SEMA3A: variants seen among roughly 807,000 people sequenced by gnomAD.
SEMA3A encodes semaphorin 3A, also known as semaphorin-3A.
In SEMA3A, 29 loss-of-function variants were observed where a neutral mutation model predicts 97.9. That is an observed-to-expected ratio of 0.30 (90% CI 0.22 to 0.40). The LOEUF (loss-of-function observed/expected upper bound fraction) is 0.40, where lower values mean the gene tolerates loss of function less well. Among genes scored for constraint, SEMA3A ranks in the 10% least tolerant of loss-of-function variants. The pLI is 1.00. For missense variants in SEMA3A, 763 were observed against 951.3 expected, an observed-to-expected ratio of 0.80 and a Z score of 2.60; for synonymous variants, 321 against 323.7, an observed-to-expected ratio of 0.99 and a Z score of 0.09.
chr7:84,080,258 T>G (rs10263515), intron 4 of SEMA3A, among the ~76,000 whole-genome samples: 1 of 142,308 alleles, frequency 7.0e-6, no homozygotes, highest in Non-Finnish European at 1.5e-5. Flanking sequence ...TGCTGAATGA[T>G]GAGTTAATGG....
At chr7:84,302,981 G>T (rs879075824) in intron 3 of SEMA3A, among the ~76,000 whole-genome samples, 1 of 152,162 alleles carries the variant, frequency 6.6e-6, no homozygotes, top group Non-Finnish European at 1.5e-5. Context: ...GAAAAGAACA[G>T]TTTGAGGAAA....
intron 2 of SEMA3A, among the ~76,000 whole-genome samples, chr7:84,329,244 C>T (rs1432919443): frequency 4.0e-5 from 6 of 151,866 alleles, no homozygotes; most frequent in East Asian, 1.9e-4. Context: ...AGACATTACA[C>T]GTAATTTTCT....
At chr7:84,261,872 A>T (rs1799864522) in intron 3 of SEMA3A, among the ~76,000 whole-genome samples, 1 of 152,264 alleles carries the variant, frequency 6.6e-6, no homozygotes, top group African/African-American at 2.4e-5. Context: ...CAACTGGAAA[A>T]GTGACACCAT....
chr7:84,417,153 G>C (rs1234011966), intron 1 of SEMA3A, among the ~76,000 whole-genome samples: 1 of 151,480 alleles, frequency 6.6e-6, no homozygotes, highest in Non-Finnish European at 1.5e-5. Flanking sequence ...ATGAACAAAG[G>C]GTACATTACT....
At chr7:84,237,340 T>C (rs1305481934) in intron 3 of SEMA3A, among the ~76,000 whole-genome samples, 2 of 152,104 alleles carry the variant, frequency 1.3e-5, no homozygotes, top group African/African-American at 4.8e-5. Context: ...ATTAAGCAAT[T>C]AGCCACTCAT....
In SEMA3A at chr7:83,957,064, G is replaced by C. The variant is rs1788301376; in HGVS notation, c.*4307C>G. The C allele has an allele frequency of 6.6e-6, 1 of 152,172 alleles. No homozygotes were observed. The highest frequency in any genetic ancestry group is 6.6e-5 in the Admixed American group (1 of 15,248). The allele number at this position is 152,172 out of a possible 1,614,324, so 9.4% of individuals were successfully genotyped here. A position where few individuals can be genotyped will look rare whatever the true frequency, so the allele number is the denominator to read the frequency against. ...AGACACTGGGGACAGAGATCAATTA[G>C]ATACAAATCCTGCCCTCAAGGAGCT... On this transcript the variant is annotated 3_prime_UTR_variant, in exon 17 of 17. Transcript: ENST00000265362.
intron 3 of SEMA3A, among the ~76,000 whole-genome samples, chr7:84,247,385 T>C (rs1362260464): frequency 6.6e-6 from 1 of 152,140 alleles, no homozygotes; most frequent in Non-Finnish European, 1.5e-5. Context: ...ATTTTCTAGT[T>C]TTTAGAAAAA....
chr7:84,048,193 T>C (rs1248287479), intron 5 of SEMA3A, among the ~76,000 whole-genome samples: 1 of 152,072 alleles, frequency 6.6e-6, no homozygotes, highest in Non-Finnish European at 1.5e-5. Flanking sequence ...GCATGGTGTC[T>C]TTGGGATTCA....
intron 1 of SEMA3A, among the ~76,000 whole-genome samples, chr7:84,430,621 T>C (rs1265383502): frequency 6.6e-6 from 1 of 152,004 alleles, no homozygotes; most frequent in Non-Finnish European, 1.5e-5. Context: ...GTATGTAACA[T>C]AGTAATCTGA....
intron 14 of SEMA3A, among the ~76,000 whole-genome samples, chr7:83,977,904 T>C (rs979375164): frequency 1.1e-4 from 17 of 151,146 alleles, no homozygotes; most frequent in East Asian, 7.8e-4. Context: ...CCCGGGTTCA[T>C]GCCATTCTCC....
chr7:84,307,243 A>G (rs1010816512), exon 3 of SEMA3A: 15 of 152,122 alleles, frequency 9.9e-5, no homozygotes, highest in African/African-American at 3.4e-4. Flanking sequence ...CTGAGATACA[A>G]TGTGTTCAGT....
intron 2 of SEMA3A, among the ~76,000 whole-genome samples, chr7:84,362,942 T>C (rs1243493400): frequency 6.6e-6 from 1 of 151,978 alleles, no homozygotes; most frequent in African/African-American, 2.4e-5. Flanking sequence ...TTTGGAAATA[T>C]GCTACAGATC....
intron 2 of SEMA3A, among the ~76,000 whole-genome samples, chr7:84,320,345 T>A (rs1801616493): frequency 6.6e-6 from 1 of 152,110 alleles, no homozygotes; most frequent in Non-Finnish European, 1.5e-5. Context: ...TGTTAGGATA[T>A]AGTTAAAATA....
At chr7:84,326,349 T>G (rs2115930765) in intron 2 of SEMA3A, among the ~76,000 whole-genome samples, 1 of 152,234 alleles carries the variant, frequency 6.6e-6, no homozygotes, top group African/African-American at 2.4e-5. Flanking sequence ...AAACCAAAGT[T>G]AAGTGTTCTA....
intron 6 of SEMA3A, among the ~76,000 whole-genome samples, chr7:84,031,530 G>GT (rs1246103102): frequency 2.0e-5 from 3 of 151,906 alleles, no homozygotes; most frequent in East Asian, 3.9e-4. Flanking sequence ...ATAACTTATT[G>GT]TTTTTTGTAT....
rs1012566584 is a variant in SEMA3A, at chr7:84,447,266, C to T, written c.-246+45194G>A. Among the ~76,000 whole-genome samples, 5 of 152,252 alleles carry T rather than the reference C, an allele frequency of 3.3e-5. No individual in the cohort carries two copies. In the East Asian group the frequency reaches 5.8e-4, roughly 18 times the overall value. On this transcript the variant is annotated intron_variant, in intron 1 of 3. Transcript: ENST00000424555. ...ATGGGCCTGCAGGCACCCTTTGGGA[C>T]AAATAGCCCAGGCTCTGTGGACAAC...
At chr7:84,385,236 G>A (rs145474844) in intron 1 of SEMA3A, among the ~76,000 whole-genome samples, 1,749 of 152,230 alleles carry the variant, frequency 0.011, 13 homozygotes, top group South Asian at 0.03. Flanking sequence ...CTGAGCTGAT[G>A]AGGAGTGCTC....
At chr7:84,267,337 C>T (rs1456594005) in intron 3 of SEMA3A, among the ~76,000 whole-genome samples, 4 of 152,120 alleles carry the variant, frequency 2.6e-5, no homozygotes, top group African/African-American at 7.2e-5. Flanking sequence ...CTTTCTTACA[C>T]ATGCATGTAC....
intron 4 of SEMA3A, among the ~76,000 whole-genome samples, chr7:84,068,299 G>A (rs1301835146): frequency 6.8e-6 from 1 of 146,694 alleles, no homozygotes. Context: ...GGGAGGGATA[G>A]CATTGGGAGA....
Sources: gnomAD v4.1 joint callset for allele counts (sites outside exome capture counted in the v4.1 genomes callset) on GRCh38, gnomAD v4.1.1 for gene constraint, MANE v1.5 for transcripts, NCBI Gene and HGNC (gene_info 2026-07-23, HGNC 2026-07-21) for gene names.